The following TOP2A variants were observed in gnomAD, a reference collection of about 807,000 sequenced individuals.
The protein encoded by TOP2A is DNA topoisomerase 2-alpha.
Under a neutral mutation model 187.2 loss-of-function variants are expected in TOP2A, and 68 were observed. That is an observed-to-expected ratio of 0.36 (90% confidence interval 0.30 to 0.44). TOP2A has a LOEUF of 0.44. TOP2A is among the 20% of genes least tolerant of loss of function. The pLI is 1.00. For missense variants in TOP2A, 1,196 were observed against 1,808.7 expected (o/e 0.66, Z 6.14); for synonymous variants, 542 against 593.2 (o/e 0.91, Z 1.25).
At chr17:40,396,226 C>T (rs1006323479) in intron 28 of TOP2A, 57 bp downstream of exon 28, 1 of 934,438 alleles carries the variant, frequency 1.1e-6, no homozygotes, top group Non-Finnish European at 1.6e-6. Flanking sequence ...AGTGATCCAC[C>T]CACCTTGGCC....
chr17:40,396,443 T>C lies in TOP2A; in HGVS notation c.3560A>G (p.Gln1187Arg), dbSNP rs1005982654. 2 of 1,613,942 alleles carry C rather than the reference T, an allele frequency of 1.2e-6. No homozygotes were observed. The change falls in exon 28 of 35, where the codon CAA becomes CGA. Residue 1187 changes from glutamine (Q) to arginine (R), a missense_variant. Coordinates refer to ENST00000423485, the MANE Select transcript of TOP2A (RefSeq NM_001067.4). ...CCCAGGAAGTCCGACTTGTTCATCT[T>C]GTTTTTCCTTGGCTTCAACAGCCTA... Reference protein sequence around the residue: ...ELEAVEAKEKQDEQVGLPGKG... With the variant: ...ELEAVEAKEKRDEQVGLPGKG...
At chr17:40,390,531 T>C (rs2143617512) in intron 33 of TOP2A, among the ~76,000 whole-genome samples, 1 of 152,110 alleles carries the variant, frequency 6.6e-6, no homozygotes, top group South Asian at 2.1e-4. Flanking sequence ...CATTGCGAAC[T>C]TTCTTCAGCA....
chr17:40,395,946 A>G (rs1198646973), intron 28 of TOP2A, among the ~76,000 whole-genome samples: 10 of 151,688 alleles, frequency 6.6e-5, no homozygotes, highest in Admixed American at 6.6e-4. Flanking sequence ...GGACATATGC[A>G]TCAATATTTT....
intron 3 of TOP2A, 30 bp downstream of exon 3, chr17:40,416,392 C>G (rs2035390885): frequency 7.6e-7 from 1 of 1,323,132 alleles, no homozygotes; most frequent in Non-Finnish European, 1.1e-6. Flanking sequence ...AAAGATTTGA[C>G]CAGATCTTTA....
Position 40,396,939 on chromosome 17 carries a change from G to A in TOP2A, c.3538-474C>T, listed in dbSNP as rs2035108266. On this transcript the variant is annotated intron_variant, in intron 27 of 34. Transcript: ENST00000423485. ...AAGAGACACGCAGGCTGAGTACAAT[G>A]GTACATGATCATAGTTCACTGCAGC... Among the ~76,000 whole-genome samples, 4 of 148,468 alleles carry A rather than the reference G, an allele frequency of 2.7e-5. No individual in the cohort carries two copies. In the South Asian group the frequency reaches 8.6e-4, roughly 32 times the overall value.
At chr17:40,398,195 C>T (rs1567783465) in intron 27 of TOP2A, among the ~76,000 whole-genome samples, 1 of 143,586 alleles carries the variant, frequency 7.0e-6, no homozygotes, top group South Asian at 2.3e-4. Context: ...TTCACTGCAA[C>T]CTCTGCCTCT....
chr17:40,389,786 T>C, intron 34 of TOP2A, 139 bp from the exon 35 acceptor site: 1 of 1,277,296 alleles, frequency 7.8e-7, no homozygotes, highest in Non-Finnish European at 1.1e-6. Flanking sequence ...TAAGGCCAAC[T>C]CTTCCATTGC....
chr17:40,391,615 G>A lies in TOP2A; in HGVS notation c.4158C>T (p.Gly1386=), dbSNP rs2143620365. 6.2e-7 allele frequency: 1 copy of A among 1,605,582 alleles called. No individual in the cohort carries two copies. Among genetic ancestry groups the A allele is most frequent in the Non-Finnish European group, 8.5e-7 (1 of 1,177,048 alleles). Residue 1386 remains glycine, a synonymous_variant, in exon 33 of 35, where the codon GGC becomes GGT. Transcript: ENST00000423485. Reference sequence around the variant, plus strand: ...GAGGGCTTGAAGACAGTGGTACACTGCCCTTAACATCATCAGCTTCAAGGT... The same window carrying A: ...GAGGGCTTGAAGACAGTGGTACACTACCCTTAACATCATCAGCTTCAAGGT... ...VSDLEADDVK[G]SVPLSSSPPA...
chr17:40,405,966 C>T (rs1272285558), intron 16 of TOP2A, among the ~76,000 whole-genome samples: 1 of 152,106 alleles, frequency 6.6e-6, no homozygotes, highest in African/African-American at 2.4e-5. Flanking sequence ...TGGGGTTTCA[C>T]CTTGTTAGCC....
intron 4 of TOP2A, among the ~76,000 whole-genome samples, chr17:40,415,673 G>A (rs1032534598): frequency 4.6e-5 from 7 of 152,192 alleles, no homozygotes; most frequent in Non-Finnish European, 8.8e-5. Context: ...ATGATCCAGA[G>A]CAAATAGGCC....
At chr17:40,398,517 C>A (rs1480896456) in intron 27 of TOP2A, 41 bp downstream of exon 27, 1 of 1,472,650 alleles carries the variant, frequency 6.8e-7, no homozygotes, top group African/African-American at 1.4e-5. Flanking sequence ...TATATTATTT[C>A]ATTAATAAAA....
chr17:40,406,243 T>C, intron 16 of TOP2A, 141 bp downstream of exon 16: 1 of 648,526 alleles, frequency 1.5e-6, no homozygotes, highest in South Asian at 2.7e-5. Flanking sequence ...TTCTCTGGGA[T>C]ATGCTTACTG....
intron 27 of TOP2A, 135 bp from the exon 28 acceptor site, chr17:40,396,600 C>T (rs1308769970): frequency 3.7e-6 from 4 of 1,085,838 alleles, no homozygotes; most frequent in East Asian, 5.0e-5. Context: ...ACCTAGTATA[C>T]TATCAACAAT....
intron 11 of TOP2A, 129 bp downstream of exon 11, chr17:40,408,363 T>G: frequency 9.2e-7 from 1 of 1,088,792 alleles, no homozygotes; most frequent in South Asian, 1.8e-5. Context: ...AACGGGCCGA[T>G]TTTTAACAAG....
intron 19 of TOP2A, 97 bp downstream of exon 19, chr17:40,404,055 A>C: frequency 2.1e-6 from 3 of 1,462,270 alleles, no homozygotes; most frequent in Admixed American, 2.3e-5. Context: ...CTTTACTATG[A>C]ATATATGAGC....
At chr17:40,404,930 T>C (rs762413266) in intron 16 of TOP2A, 47 bp from the exon 17 acceptor site, 4 of 1,117,788 alleles carry the variant, frequency 3.6e-6, no homozygotes, top group Admixed American at 4.6e-5. Context: ...AATAGGCTAA[T>C]AGGTTCCAAA....
intron 19 of TOP2A, among the ~76,000 whole-genome samples, chr17:40,403,935 C>T (rs74338550): frequency 0.037 from 5,675 of 152,260 alleles, 170 homozygotes; most frequent in African/African-American, 0.077. Flanking sequence ...ACATACTAAG[C>T]ATTTTTTAAT....
Position 40,390,128 on chromosome 17 carries a change from C to T in TOP2A, c.4304G>A (p.Arg1435Lys). 7 of 1,613,158 alleles carry T rather than the reference C, an allele frequency of 4.3e-6. No homozygotes were observed. The highest frequency in any genetic ancestry group is 1.6e-4 in the Middle Eastern group (1 of 6,062). ...SSTSTTGAKK[R>K]AAPKGTKRDP... ...CCTTTTAGTTCCTTTTGGGGCAGCC[C>T]TTTTTTTGGCACCGGTAGTGGAGGT... The change falls in exon 34 of 35, where the codon AGG becomes AAG. Residue 1435 changes from arginine to lysine, a missense_variant. Physicochemically the swap from Arg to Lys is conservative, Grantham distance 26 (BLOSUM62 2). Transcript: ENST00000423485.
rs902044418 is a variant in TOP2A at position 40,399,138 on chromosome 17, T to G, written c.3197-7A>C. 1.8e-5 allele frequency: 27 copies of G among 1,513,344 alleles called. No homozygotes were observed. The highest frequency in any genetic ancestry group is 2.3e-5 in the Non-Finnish European group (26 of 1,112,886). The allele number at this position is 1,513,344 out of a possible 1,614,324, so 93.7% of individuals were successfully genotyped here. ...TCTTTCTTAGGCTTATTTTCTATTT[T>G]TAAAAAAGTAAACAGAGATAATGAT... On this transcript the variant is annotated splice_region_variant and splice_polypyrimidine_tract_variant and intron_variant, in intron 24 of 34. Coordinates refer to ENST00000423485, the MANE Select transcript of TOP2A (RefSeq NM_001067.4).
Sources: gnomAD v4.1 joint callset for allele counts (sites outside exome capture counted in the v4.1 genomes callset) on GRCh38, gnomAD v4.1.1 for gene constraint, MANE v1.5 for transcripts, NCBI Gene and HGNC (gene_info 2026-07-23, HGNC 2026-07-21) for gene names.